Variants in GABRB3 observed in about 807,000 individuals in gnomAD.
The protein encoded by GABRB3 is gamma-aminobutyric acid receptor subunit beta-3.
In GABRB3, 14 loss-of-function variants were observed where a neutral mutation model predicts 52.1. The ratio of observed to expected loss-of-function variants is 0.27; its 90% CI spans 0.18 to 0.42. The LOEUF (loss-of-function observed/expected upper bound fraction) is 0.42. Among genes scored for constraint, GABRB3 ranks in the 10% least tolerant of loss-of-function variants. The pLI is 1.00. For missense variants in GABRB3, 307 were observed against 609.1 expected, an observed-to-expected ratio of 0.50 and a Z score of 5.22; for synonymous variants, 260 against 232.3, an observed-to-expected ratio of 1.12 and a Z score of -1.08.
intron 3 of GABRB3, among the ~76,000 whole-genome samples, chr15:26,682,129 A>G (rs879579484): frequency 4.6e-5 from 7 of 152,062 alleles, no homozygotes; most frequent in Non-Finnish European, 1.0e-4. Flanking sequence ...ACCTGGTGCT[A>G]ATGTCTGACC....
At chr15:26,583,626 C>G (rs1424352688) in intron 4 of GABRB3, among the ~76,000 whole-genome samples, 1 of 151,398 alleles carries the variant, frequency 6.6e-6, no homozygotes, top group South Asian at 2.1e-4. Context: ...AAAAAAAACA[C>G]AAAACTTTAT....
At chr15:26,706,438 G>GTT (rs11426648) in intron 3 of GABRB3, among the ~76,000 whole-genome samples, 1 of 149,872 alleles carries the variant, frequency 6.7e-6, no homozygotes, top group African/African-American at 2.5e-5. Context: ...AAATTGAGGG[G>GTT]TTTTTTTTTT....
At chr15:26,665,229 G>GA (rs1887673220) in intron 3 of GABRB3, among the ~76,000 whole-genome samples, 2 of 152,020 alleles carry the variant, frequency 1.3e-5, no homozygotes, top group Admixed American at 1.3e-4. Context: ...TGTTAACCAT[G>GA]ACCACTTTAT....
Position 26,547,976 on chromosome 15 carries a change from C to A in GABRB3, c.1239G>T (p.Gly413=), listed in dbSNP as rs761158371. 6.2e-7 allele frequency: 1 copy of A among 1,614,202 alleles called. No individual in the cohort carries two copies. Among genetic ancestry groups the A allele is most frequent in the South Asian group, 1.1e-5 (1 of 91,076 alleles). The change falls in exon 9 of 9, where the codon GGG becomes GGT. Residue 413 remains glycine (G), a synonymous_variant. Transcript: ENST00000311550. ...RKQSMPREGH[G]RFLGDRSLPH... Reference sequence around the variant, plus strand: ...GGAGGCTTCTGTCCCCCAGGAATCGCCCATGCCCTTCTCGAGGCATGCTCT... The same window carrying A: ...GGAGGCTTCTGTCCCCCAGGAATCGACCATGCCCTTCTCGAGGCATGCTCT...
intron 3 of GABRB3, among the ~76,000 whole-genome samples, chr15:26,769,881 A>G (rs1891099899): frequency 6.6e-6 from 1 of 152,186 alleles, no homozygotes. Flanking sequence ...CAACACACTT[A>G]AAGTGAGACC....
intron 3 of GABRB3, among the ~76,000 whole-genome samples, chr15:26,721,501 C>T (rs917052721): frequency 2.0e-5 from 3 of 151,952 alleles, no homozygotes; most frequent in Non-Finnish European, 4.4e-5. Flanking sequence ...CAGAGGATGA[C>T]AGTTAACCTG....
At chr15:26,562,614 G>A (rs573325110) in intron 7 of GABRB3, among the ~76,000 whole-genome samples, 1 of 152,206 alleles carries the variant, frequency 6.6e-6, no homozygotes, top group Admixed American at 6.5e-5. Context: ...AATTTACTAA[G>A]CATTCCAATT....
intron 3 of GABRB3, among the ~76,000 whole-genome samples, chr15:26,727,844 A>T (rs1889813195): frequency 6.6e-6 from 1 of 152,216 alleles, no homozygotes; most frequent in Admixed American, 6.5e-5. Context: ...TTCCTTGTTT[A>T]TCACTCTTTT....
intron 3 of GABRB3, among the ~76,000 whole-genome samples, chr15:26,663,065 G>C (rs946820806): frequency 9.9e-5 from 15 of 152,086 alleles, no homozygotes; most frequent in African/African-American, 3.6e-4. Context: ...GTAAACGTGT[G>C]TGTGTGTCTC....
intron 3 of GABRB3, among the ~76,000 whole-genome samples, chr15:26,641,122 T>G (rs1050274877): frequency 6.6e-6 from 1 of 152,148 alleles, no homozygotes; most frequent in Non-Finnish European, 1.5e-5. Context: ...CAGAACGGTA[T>G]GAGGAGTGGC....
intron 3 of GABRB3, among the ~76,000 whole-genome samples, chr15:26,649,251 T>TAGTGCCCTTGTAAAAGG (rs1887114610): frequency 6.6e-6 from 1 of 152,100 alleles, no homozygotes; most frequent in Non-Finnish European, 1.5e-5. Context: ...CAAAAGGGAT[T>TAGTGCCCTTGTAAAAGG]AGTGCCCTTG....
At chr15:26,767,914 G>A (rs1370177215) in intron 3 of GABRB3, among the ~76,000 whole-genome samples, 1 of 152,062 alleles carries the variant, frequency 6.6e-6, no homozygotes, top group Non-Finnish European at 1.5e-5. Context: ...TGTGATTTTT[G>A]TACATGGGTA....
intron 3 of GABRB3, among the ~76,000 whole-genome samples, chr15:26,740,923 G>C (rs117752860): frequency 6.6e-6 from 1 of 152,088 alleles, no homozygotes; most frequent in African/African-American, 2.4e-5. Context: ...GTACTTGGAG[G>C]GGGAGATGGC....
Position 26,621,594 on chromosome 15 carries a change from C to A in GABRB3, c.241-60G>T. 1 of 1,337,460 alleles carries A rather than the reference C, an allele frequency of 7.5e-7. No homozygotes were observed. The highest frequency in any genetic ancestry group is 1.1e-6 in the Non-Finnish European group (1 of 942,542). 82.8% of individuals were successfully genotyped at this position (1,337,460 alleles called of 1,614,324 possible). On this transcript the variant is annotated intron_variant, in intron 3 of 8. Transcript: ENST00000311550. This position sits in a 1 kb window ranked among gnomAD's most constrained non-coding sequence, Gnocchi z 4.1. Reference sequence around the variant, plus strand: ...TACCCAGCCACAGGTGTATTTCCTCCACGACCAGCCAAATTCAGGTTGCAA... The same window carrying A: ...TACCCAGCCACAGGTGTATTTCCTCAACGACCAGCCAAATTCAGGTTGCAA...
At position 26,599,663 on chromosome 15, in the gene GABRB3, C is replaced by T. The variant is rs1302860991; in HGVS notation, c.462-16249G>A. On this transcript the variant is annotated intron_variant, in intron 4 of 8. Coordinates refer to ENST00000311550, the MANE Select transcript of GABRB3 (RefSeq NM_000814.6). ...CCTGTGCAAGGTTGTCATGAGCTGGCCTTTCAGAATCACAGGCTAGAAGGC... is the reference window on the plus strand; with the variant it reads ...CCTGTGCAAGGTTGTCATGAGCTGGTCTTTCAGAATCACAGGCTAGAAGGC... Among the ~76,000 whole-genome samples the T allele has an allele frequency of 2.6e-5, 4 of 152,180 alleles. No individual in the cohort carries two copies. The South Asian group carries it at 6.2e-4, about 24-fold the overall frequency.
At chr15:26,720,312 T>C (rs1230690889) in intron 3 of GABRB3, among the ~76,000 whole-genome samples, 2 of 152,194 alleles carry the variant, frequency 1.3e-5, no homozygotes, top group Non-Finnish European at 2.9e-5. Flanking sequence ...GCCTGTTTGG[T>C]GGTCTCTTCA....
intron 4 of GABRB3, among the ~76,000 whole-genome samples, chr15:26,585,309 T>G (rs1225210957): frequency 6.6e-6 from 1 of 152,178 alleles, no homozygotes; most frequent in Non-Finnish European, 1.5e-5. Context: ...GTTTCATCTT[T>G]CTTGAAGCCC....
At chr15:26,591,567 A>G (rs543888949) in intron 4 of GABRB3, among the ~76,000 whole-genome samples, 1 of 152,322 alleles carries the variant, frequency 6.6e-6, no homozygotes, top group African/African-American at 2.4e-5. Flanking sequence ...TCAAGCCAGA[A>G]CGAAAGGGGT....
chr15:26,703,442 T>C (rs1021745627), intron 3 of GABRB3, among the ~76,000 whole-genome samples: 4 of 152,176 alleles, frequency 2.6e-5, no homozygotes, highest in African/African-American at 9.7e-5. Context: ...TGAGGACTCA[T>C]TCAAACCACA....
Sources: allele counts gnomAD v4.1 joint callset (sites outside exome capture counted in the v4.1 genomes callset), GRCh38; gene constraint gnomAD v4.1.1; non-coding constraint Gnocchi (gnomAD v3.1); transcripts MANE v1.5; gene names NCBI Gene and HGNC (gene_info 2026-07-23, HGNC 2026-07-21).